Variants in MRPL22 observed in about 807,000 individuals in gnomAD.
MRPL22 encodes mitochondrial ribosomal protein L22, also known as large ribosomal subunit protein uL22m.
A neutral mutation model predicts 32.4 loss-of-function variants in MRPL22; 27 were observed. That is an observed-to-expected ratio of 0.83 (90% CI 0.61 to 1.15). The LOEUF (loss-of-function observed/expected upper bound fraction) is 1.15. Among genes scored for constraint, MRPL22 ranks in the 50% most tolerant of loss-of-function variants. The pLI is 0.00. For synonymous variants in MRPL22, 86 were observed against 87.3 expected (o/e 0.99, Z 0.08); for missense variants, 239 against 260.2 (o/e 0.92, Z 0.56).
At chr5:154,966,564 C>T in intron 6 of MRPL22, 122 bp from the exon 7 acceptor site, 2 of 991,584 alleles carry the variant, frequency 2.0e-6, no homozygotes, top group Non-Finnish European at 1.5e-6. Flanking sequence ...CAAGCCTGCT[C>T]TAGCCAACCA....
chr5:154,951,170 A>G (rs1764556267), intron 3 of MRPL22, among the ~76,000 whole-genome samples: 1 of 152,246 alleles, frequency 6.6e-6, no homozygotes, highest in African/African-American at 2.4e-5. Flanking sequence ...CTAAGCTAAT[A>G]GTTTAAGACA....
In MRPL22 at chr5:154,964,010, C is replaced by T. The variant is rs571050934; in HGVS notation, c.410-2676C>T. Among the ~76,000 whole-genome samples, 6 of 152,062 alleles carry T rather than the reference C, an allele frequency of 3.9e-5. No individual in the cohort carries two copies. The South Asian group carries it at 1.2e-3, about 32-fold the overall frequency. ...TGTGAAGGAAGTAGAAGTTTGACCT[C>T]GAGTAGATAAAATGGGAAGGGTAGA... On this transcript the variant is annotated intron_variant, in intron 6 of 6. Transcript: ENST00000523037.
intron 2 of MRPL22, among the ~76,000 whole-genome samples, chr5:154,946,776 G>T (rs906937535): frequency 6.6e-6 from 1 of 152,132 alleles, no homozygotes; most frequent in Non-Finnish European, 1.5e-5. Context: ...AGCTGAGATC[G>T]CACCATTGCA....
chr5:154,958,576 G>A (rs994220713), intron 5 of MRPL22, among the ~76,000 whole-genome samples: 8 of 115,536 alleles, frequency 6.9e-5, no homozygotes, highest in Non-Finnish European at 1.6e-5. Context: ...ATGGAGCCTC[G>A]CCCTGTCGCC....
chr5:154,958,533 A>G (rs1231019190), intron 5 of MRPL22, among the ~76,000 whole-genome samples: 1 of 136,692 alleles, frequency 7.3e-6, no homozygotes, highest in African/African-American at 2.7e-5. Context: ...ATTTCTGACA[A>G]TTGTCTTTTT....
rs991658079 is a variant in MRPL22 at position 154,946,006 on chromosome 5, A to G, written c.77+4741A>G. Among the ~76,000 whole-genome samples, 12 of 152,128 alleles carry G rather than the reference A, an allele frequency of 7.9e-5. No individual in the cohort carries two copies. In the East Asian group the frequency reaches 2.3e-3, roughly 29 times the overall value. On this transcript the variant is annotated intron_variant, in intron 2 of 6. Transcript: ENST00000523037. ...TCTTTGCTTGATAATTCAGTTCATG[A>G]ATTATTTGAGTCCTGAAAGTATTAT... is the stretch of plus-strand genomic sequence containing the variant.
chr5:154,960,087 T>G (rs375088340), intron 6 of MRPL22, 38 bp downstream of exon 6: 403 of 1,390,268 alleles, frequency 2.9e-4, no homozygotes, highest in Non-Finnish European at 3.8e-4. Flanking sequence ...GAAAATGTCT[T>G]CAGTAGTAAT....
At chr5:154,956,953 G>C (rs1324604800) in intron 4 of MRPL22, 182 bp from the exon 5 acceptor site, 1 of 564,310 alleles carries the variant, frequency 1.8e-6, no homozygotes, top group African/African-American at 1.9e-5. Flanking sequence ...TGGTTAAAAT[G>C]TTTGTTTCAT....
chr5:154,952,500 G>A (rs1035720256), intron 3 of MRPL22, among the ~76,000 whole-genome samples: 1 of 152,052 alleles, frequency 6.6e-6, no homozygotes, highest in Non-Finnish European at 1.5e-5. Flanking sequence ...ATTTGATATA[G>A]GTACTTTGGA....
intron 5 of MRPL22, chr5:154,959,079 C>G (rs1316973182): frequency 6.6e-6 from 1 of 152,154 alleles, no homozygotes; most frequent in African/African-American, 2.4e-5. Context: ...TTGCCCAGGG[C>G]TGGAGTATAG....
Position 154,962,872 on chromosome 5 carries a change from A to T in MRPL22, c.409+2823A>T, listed in dbSNP as rs1013990693. ...GGAGCGGAGGGCTTCTAATGTTACA[A>T]TTTCAAGATTTGTATTTACCTAAAT... On this transcript the variant is annotated intron_variant, in intron 6 of 6. Transcript: ENST00000523037. Among the ~76,000 whole-genome samples the T allele has an allele frequency of 2.6e-5, 4 of 152,244 alleles. No homozygotes were observed. In the East Asian group the frequency reaches 7.7e-4, roughly 29 times the overall value.
rs113853749 is a variant in MRPL22 at position 154,950,244 on chromosome 5, C to T, written c.78-577C>T. On this transcript the variant is annotated intron_variant, in intron 2 of 6. Coordinates refer to ENST00000523037, the MANE Select transcript of MRPL22 (RefSeq NM_014180.4). ...GAACAGCATGGGGGAAACTGCCCAG[C>T]GATCTAATCACCTCCCACCAGGTCC... Among the ~76,000 whole-genome samples, 165 of 152,206 alleles carry T rather than the reference C, an allele frequency of 1.1e-3. 3 individuals are homozygous for T. Among genetic ancestry groups the T allele is most frequent in the African/African-American group, 3.8e-3 (159 of 41,512 alleles).
intron 2 of MRPL22, among the ~76,000 whole-genome samples, chr5:154,949,487 A>C (rs1764531137): frequency 6.6e-6 from 1 of 152,208 alleles, no homozygotes; most frequent in Non-Finnish European, 1.5e-5. Flanking sequence ...GGGCAAGTTG[A>C]TGGAAGAGAA....
intron 3 of MRPL22, chr5:154,956,028 A>G (rs1764624604): frequency 4.8e-6 from 1 of 208,110 alleles, no homozygotes; most frequent in African/African-American, 2.4e-5. Context: ...GTTTTCTTGT[A>G]CTTTTTCTTT....
intron 5 of MRPL22, 77 bp from the exon 6 acceptor site, chr5:154,959,903 A>T (rs936210495): frequency 3.1e-6 from 3 of 959,010 alleles, no homozygotes; most frequent in Non-Finnish European, 4.9e-6. Context: ...TAGTACAGAG[A>T]TAATGAGAGA....
At chr5:154,953,165 G>C (rs565096974) in intron 3 of MRPL22, among the ~76,000 whole-genome samples, 29 of 152,016 alleles carry the variant, frequency 1.9e-4, no homozygotes, top group Middle Eastern at 6.8e-3. Context: ...AAGCCCAGCT[G>C]GCCAATATGG....
chr5:154,964,280 G>A (rs887879736), intron 6 of MRPL22, among the ~76,000 whole-genome samples: 1 of 152,204 alleles, frequency 6.6e-6, no homozygotes, highest in African/African-American at 2.4e-5. Context: ...AAAAATGTTT[G>A]TTGAGTGAAT....
At chr5:154,954,768 G>T (rs986376320) in intron 3 of MRPL22, among the ~76,000 whole-genome samples, 2 of 152,148 alleles carry the variant, frequency 1.3e-5, no homozygotes, top group Non-Finnish European at 2.9e-5. Flanking sequence ...CCACAAGAAT[G>T]CACAAATTAA....
chr5:154,965,224 TA>T (rs527534524), intron 6 of MRPL22, among the ~76,000 whole-genome samples: 5 of 152,206 alleles, frequency 3.3e-5, no homozygotes, highest in African/African-American at 4.8e-5. Context: ...TCCCTATATT[TA>T]TAAAGTATGT....
Sources: gnomAD v4.1 joint callset for allele counts (sites outside exome capture counted in the v4.1 genomes callset) on GRCh38, gnomAD v4.1.1 for gene constraint, MANE v1.5 for transcripts, NCBI Gene and HGNC (gene_info 2026-07-23, HGNC 2026-07-21) for gene names.